PRKCZ: variants seen among roughly 807,000 people sequenced by gnomAD.
PRKCZ encodes the protein protein kinase C zeta.
PRKCZ carries 33 observed loss-of-function variants against 79.5 expected under a neutral mutation model. The observed-to-expected ratio is 0.41, with a 90% CI of 0.31 to 0.55. The LOEUF (loss-of-function observed/expected upper bound fraction) is 0.55, where lower values mean the gene tolerates loss of function less well. Among genes scored for constraint, PRKCZ ranks in the 20% least tolerant of loss-of-function variants. The pLI, the probability that PRKCZ is intolerant of heterozygous loss-of-function variation, is 0.19. For missense variants in PRKCZ, 578 were observed against 813.5 expected (o/e 0.71, Z 3.52); for synonymous variants, 342 against 320.9 (o/e 1.07, Z -0.70).
chr1:2,113,709 C>T (rs960056517), intron 4 of PRKCZ, among the ~76,000 whole-genome samples: 10 of 152,012 alleles, frequency 6.6e-5, no homozygotes, highest in African/African-American at 1.9e-4. Flanking sequence ...GCCTAGCTGC[C>T]GTGGAGAATG....
At chr1:2,148,740 T>A (rs1024222726) in intron 7 of PRKCZ, 132 bp from the exon 8 acceptor site, 7 of 847,248 alleles carry the variant, frequency 8.3e-6, no homozygotes, top group Non-Finnish European at 1.3e-5. Context: ...TAAATTAGAA[T>A]CAGACATGGC....
intron 4 of PRKCZ, among the ~76,000 whole-genome samples, chr1:2,072,682 T>C (rs1661708789): frequency 6.6e-6 from 1 of 152,020 alleles, no homozygotes; most frequent in African/African-American, 2.4e-5. Flanking sequence ...AGGTTCGCTG[T>C]GGGACAAGTC....
intron 4 of PRKCZ, among the ~76,000 whole-genome samples, chr1:2,129,153 T>C (rs892184758): frequency 3.3e-5 from 5 of 152,172 alleles, no homozygotes; most frequent in African/African-American, 4.8e-5. Context: ...GGGAACCTTC[T>C]AGTCAATTGC....
In PRKCZ at chr1:2,125,218, C is replaced by A. The variant is rs552249580; in HGVS notation, c.335-10044C>A. Among the ~76,000 whole-genome samples the A allele has an allele frequency of 7.2e-5, 11 of 152,248 alleles. No individual in the cohort carries two copies. The East Asian group carries it at 2.1e-3, about 29-fold the overall frequency. ...AAAAAATTTCTTACATAGAAAGGAG[C>A]GGTATTTGGTATGAATTTATTTGCA... On this transcript the variant is annotated intron_variant, in intron 4 of 17. Transcript: ENST00000378567. The surrounding 1 kb of genome is among the most constrained non-coding windows in gnomAD (Gnocchi z 4.2).
Position 2,125,764 on chromosome 1 carries a change from C to T in PRKCZ, c.335-9498C>T, listed in dbSNP as rs1218853539. On this transcript the variant is annotated intron_variant, in intron 4 of 17. Coordinates refer to ENST00000378567, the MANE Select transcript of PRKCZ (RefSeq NM_002744.6). This position sits in a 1 kb window ranked among gnomAD's most constrained non-coding sequence, Gnocchi z 4.2. Reference sequence around the variant, plus strand: ...TTCCCAATCAGATTTGCTCAGGGTCCCTCCAGCAGTCCATGCCGCAGAGGC... The same window carrying T: ...TTCCCAATCAGATTTGCTCAGGGTCTCTCCAGCAGTCCATGCCGCAGAGGC... Among the ~76,000 whole-genome samples the T allele has an allele frequency of 1.3e-5, 2 of 152,224 alleles. No individual in the cohort carries two copies. The highest frequency in any genetic ancestry group is 1.3e-4 in the Admixed American group (2 of 15,288).
intron 4 of PRKCZ, among the ~76,000 whole-genome samples, chr1:2,061,216 C>T (rs1260784580): frequency 1.3e-5 from 2 of 152,180 alleles, no homozygotes; most frequent in African/African-American, 2.4e-5. Context: ...CAGTGTAGCC[C>T]CTGGGCGCGG....
chr1:2,050,626 G>A lies in PRKCZ; in HGVS notation c.-5G>A. 1.6e-6 allele frequency: 2 copies of A among 1,224,192 alleles called. No homozygotes were observed. The highest frequency in any genetic ancestry group is 2.0e-6 in the Non-Finnish European group (2 of 982,774). 75.8% of individuals were successfully genotyped at this position (1,224,192 alleles called of 1,614,324 possible). A position where few individuals can be genotyped will look rare whatever the true frequency, so the allele number is the denominator to read the frequency against. On this transcript the variant is annotated 5_prime_UTR_variant, in exon 1 of 18. Coordinates refer to ENST00000378567, the MANE Select transcript of PRKCZ (RefSeq NM_002744.6). ...CAGCGCTGACGGCGGCGGGGGGAGC[G>A]CGCCATGCCCAGCAGGACCGGCCCC...
intron 4 of PRKCZ, among the ~76,000 whole-genome samples, chr1:2,067,943 C>A (rs955882280): frequency 5.9e-5 from 9 of 152,200 alleles, no homozygotes; most frequent in African/African-American, 1.9e-4. Context: ...CATCCGCTGG[C>A]ACCTGGGCTG....
At position 2,127,365 on chromosome 1, in the gene PRKCZ, C is replaced by G. The variant is rs1225371142; in HGVS notation, c.335-7897C>G. On this transcript the variant is annotated intron_variant, in intron 4 of 17. Coordinates refer to ENST00000378567, the MANE Select transcript of PRKCZ (RefSeq NM_002744.6). This position sits in a 1 kb window ranked among gnomAD's most constrained non-coding sequence, Gnocchi z 5.1. Reference sequence around the variant, plus strand: ...TTGCAGGCTTGCGATCCGGGCAGGTCCCTCAGATGGAGGGGCTGCACCTCC... The same window carrying G: ...TTGCAGGCTTGCGATCCGGGCAGGTGCCTCAGATGGAGGGGCTGCACCTCC... Among the ~76,000 whole-genome samples, 1 of 152,182 alleles carries G rather than the reference C, an allele frequency of 6.6e-6. No homozygotes were observed. Among genetic ancestry groups the G allele is most frequent in the Admixed American group, 6.5e-5 (1 of 15,278 alleles).
intron 11 of PRKCZ, 93 bp downstream of exon 11, chr1:2,169,697 A>T: frequency 2.1e-5 from 4 of 189,226 alleles, no homozygotes; most frequent in Non-Finnish European, 3.2e-5. Flanking sequence ...GTGCGCACAG[A>T]GGGATGACGG....
At position 2,117,998 on chromosome 1, in the gene PRKCZ, C is replaced by CCCTTTTTTT. The variant is rs58233626; in HGVS notation, c.335-17264_335-17263insCCTTTTTTT. ...TATGAGAGAGATTAGCCTATTATTT[C>CCCTTTTTTT]TTTTTTTTTTTTTTTTGGAGTCTCA... On this transcript the variant is annotated intron_variant, in intron 4 of 17. Coordinates refer to ENST00000378567, the MANE Select transcript of PRKCZ (RefSeq NM_002744.6). Among the ~76,000 whole-genome samples, 106 of 65,082 alleles carry CCCTTTTTTT rather than the reference C, an allele frequency of 1.6e-3. 1 individual carries two copies. The highest frequency in any genetic ancestry group is 5.8e-3 in the African/African-American group (94 of 16,192). 42.7% of individuals were successfully genotyped at this position (65,082 alleles called of 152,430 possible).
At chr1:2,113,037 GAC>G (rs576490886) in intron 4 of PRKCZ, among the ~76,000 whole-genome samples, 93 of 152,348 alleles carry the variant, frequency 6.1e-4, no homozygotes, top group African/African-American at 2.1e-3. Flanking sequence ...CTGAAGGAAA[GAC>G]AGTGGCTTGG....
chr1:2,069,088 G>A (rs1418787983), intron 4 of PRKCZ, among the ~76,000 whole-genome samples: 2 of 152,220 alleles, frequency 1.3e-5, no homozygotes, highest in African/African-American at 2.4e-5. Context: ...CATCTTGAAC[G>A]GCGTCCGTTC....
At chr1:2,122,123 G>GGTGGTAGTTAGGGTC (rs1672323092) in intron 4 of PRKCZ, among the ~76,000 whole-genome samples, 1 of 42,900 alleles carries the variant, frequency 2.3e-5, no homozygotes, top group Middle Eastern at 7.9e-3. Flanking sequence ...TTAGGGTCAC[G>GGTGGTAGTTAGGGTC]GTGGTGGTTA....
intron 4 of PRKCZ, among the ~76,000 whole-genome samples, chr1:2,088,570 G>T (rs967402318): frequency 6.6e-6 from 1 of 152,208 alleles, no homozygotes; most frequent in African/African-American, 2.4e-5. Context: ...GCTTCCGGAG[G>T]TCCCAGAGCC....
chr1:2,099,809 A>G (rs990690205), intron 4 of PRKCZ, among the ~76,000 whole-genome samples: 7 of 152,210 alleles, frequency 4.6e-5, no homozygotes, highest in African/African-American at 1.4e-4. Flanking sequence ...TTCCAATTAA[A>G]CAGGTCATTA....
chr1:2,130,177 GT>G lies in PRKCZ; in HGVS notation c.335-5083del, dbSNP rs547034178. ...TGCCTCGACCTACCGAGGTAGTGGG[GT>G]TACAAGCATGAGCCGCCACGCCTGG... On this transcript the variant is annotated intron_variant, in intron 4 of 17. Transcript: ENST00000378567. 6.6e-5 allele frequency among the ~76,000 whole-genome samples: 10 copies of G among 152,358 alleles called. No homozygotes were observed. In the South Asian group the frequency reaches 2.1e-3, roughly 32 times the overall value.
At chr1:2,070,243 C>T (rs933153994) in intron 4 of PRKCZ, among the ~76,000 whole-genome samples, 3 of 152,168 alleles carry the variant, frequency 2.0e-5, no homozygotes, top group Non-Finnish European at 2.9e-5. Context: ...AGCCTGCACC[C>T]TGGGGAAAGG....
intron 4 of PRKCZ, among the ~76,000 whole-genome samples, chr1:2,103,487 C>T (rs913570087): frequency 1.3e-5 from 2 of 152,146 alleles, no homozygotes; most frequent in African/African-American, 4.8e-5. Context: ...AGGTGCTCCG[C>T]AGGGAAAGCT....
Sources: gnomAD v4.1 joint callset for allele counts (sites outside exome capture counted in the v4.1 genomes callset) on GRCh38, gnomAD v4.1.1 for gene constraint, Gnocchi (gnomAD v3.1) non-coding constraint, MANE v1.5 for transcripts, NCBI Gene and HGNC (gene_info 2026-07-23, HGNC 2026-07-21) for gene names.